CGNL1: variants seen among roughly 807,000 people sequenced by gnomAD.
CGNL1 encodes cingulin like 1, also known as cingulin-like protein 1.
In CGNL1, 132 loss-of-function variants were observed where a neutral mutation model predicts 141.2. That is an observed-to-expected ratio of 0.93 (90% CI 0.81 to 1.08). The LOEUF is 1.08. CGNL1 is among the 50% of genes least tolerant of loss of function. The pLI is 0.00. For missense variants in CGNL1, 1,870 were observed against 1,588.6 expected, an observed-to-expected ratio of 1.18 and a Z score of -3.01; for synonymous variants, 690 against 622.1, an observed-to-expected ratio of 1.11 and a Z score of -1.63.
intron 8 of CGNL1, among the ~76,000 whole-genome samples, chr15:57,507,934 A>G (rs1409416709): frequency 1.3e-5 from 2 of 152,212 alleles, no homozygotes; most frequent in African/African-American, 4.8e-5. Context: ...GAGGGGAGAA[A>G]GTGAAGGCAG....
At chr15:57,407,692 G>C (rs1318619220) in intron 1 of CGNL1, among the ~76,000 whole-genome samples, 2 of 151,800 alleles carry the variant, frequency 1.3e-5, no homozygotes, top group African/African-American at 2.4e-5. Context: ...AAGGCAGGGT[G>C]GTGGGGCTTG....
At chr15:57,491,394 C>T (rs1455218547) in intron 8 of CGNL1, among the ~76,000 whole-genome samples, 5 of 152,196 alleles carry the variant, frequency 3.3e-5, no homozygotes, top group African/African-American at 9.6e-5. Context: ...CTGCTTTCTC[C>T]GTGGCACCAG....
chr15:57,495,421 G>A (rs1167438283), intron 8 of CGNL1, among the ~76,000 whole-genome samples: 1 of 152,114 alleles, frequency 6.6e-6, no homozygotes, highest in African/African-American at 2.4e-5. Flanking sequence ...TCTGTGTCAA[G>A]TATTCCTCAT....
At position 57,544,610 on chromosome 15, in the gene CGNL1, C is replaced by A; in HGVS notation, c.3500+13C>A. The A allele has an allele frequency of 6.4e-7, 1 of 1,565,114 alleles. No homozygotes were observed. The highest frequency in any genetic ancestry group is 8.7e-7 in the Non-Finnish European group (1 of 1,154,358). On this transcript the variant is annotated intron_variant, in intron 16 of 18. Coordinates refer to ENST00000281282, the MANE Select transcript of CGNL1 (RefSeq NM_032866.5). ...AGAGTGAGGAGAGGTGAGCCGGGCCCACCCACTGCAGTGCGGAGGCCCCAG... is the reference window on the plus strand; with the variant it reads ...AGAGTGAGGAGAGGTGAGCCGGGCCAACCCACTGCAGTGCGGAGGCCCCAG...
At chr15:57,520,455 G>A (rs1448564847) in intron 10 of CGNL1, among the ~76,000 whole-genome samples, 1 of 152,170 alleles carries the variant, frequency 6.6e-6, no homozygotes, top group Non-Finnish European at 1.5e-5. Context: ...AGTAGCTGAA[G>A]ACGCTGGTAA....
At chr15:57,501,717 C>T (rs544459481) in intron 8 of CGNL1, among the ~76,000 whole-genome samples, 6 of 152,062 alleles carry the variant, frequency 3.9e-5, no homozygotes, top group Admixed American at 6.5e-5. Context: ...AGGAGCCATC[C>T]GAGAGCTGCA....
intron 1 of CGNL1, among the ~76,000 whole-genome samples, chr15:57,416,085 C>T (rs16977483): frequency 2.0e-5 from 3 of 151,996 alleles, no homozygotes; most frequent in Non-Finnish European, 4.4e-5. Flanking sequence ...AGTTTTGAGG[C>T]CTTCTAGTTC....
chr15:57,493,354 G>A (rs2063893078), intron 8 of CGNL1, among the ~76,000 whole-genome samples: 1 of 152,148 alleles, frequency 6.6e-6, no homozygotes, highest in Non-Finnish European at 1.5e-5. Context: ...TTTGGAAGGA[G>A]CTTTCTAGTG....
intron 1 of CGNL1, among the ~76,000 whole-genome samples, chr15:57,425,778 C>T (rs1268688519): frequency 1.3e-5 from 2 of 149,630 alleles, no homozygotes; most frequent in African/African-American, 2.5e-5. Flanking sequence ...CATATGAATA[C>T]ACAAGTTGTA....
intron 1 of CGNL1, among the ~76,000 whole-genome samples, chr15:57,384,435 C>A (rs1226285662): frequency 6.6e-6 from 1 of 152,194 alleles, no homozygotes; most frequent in Non-Finnish European, 1.5e-5. Flanking sequence ...AATTGGGTAA[C>A]TTGTCAAAGT....
At chr15:57,394,404 C>G (rs560047847) in intron 1 of CGNL1, among the ~76,000 whole-genome samples, 1 of 152,078 alleles carries the variant, frequency 6.6e-6, no homozygotes, top group Admixed American at 6.6e-5. Context: ...GGATTACAGG[C>G]GTGAACCACC....
rs549775897 is a variant in CGNL1 at position 57,516,991 on chromosome 15, G to A, written c.2610+5G>A. On this transcript the variant is annotated splice_donor_5th_base_variant and intron_variant, in intron 9 of 18. Transcript: ENST00000281282. ...GAAACGCTGAAGAAGTACGAGGTGAGGCTCGCTGGGCCCAGGCCCAGCTTT... is the reference window on the plus strand; with the variant it reads ...GAAACGCTGAAGAAGTACGAGGTGAAGCTCGCTGGGCCCAGGCCCAGCTTT... 1 of 1,610,878 alleles carries A rather than the reference G, an allele frequency of 6.2e-7. No homozygotes were observed. Among genetic ancestry groups the A allele is most frequent in the East Asian group, 2.2e-5 (1 of 44,774 alleles).
At chr15:57,515,916 T>G (rs1243543790) in intron 8 of CGNL1, among the ~76,000 whole-genome samples, 1 of 152,072 alleles carries the variant, frequency 6.6e-6, no homozygotes, top group Non-Finnish European at 1.5e-5. Context: ...CCCAGCACTT[T>G]GGGAGGCCGA....
intron 8 of CGNL1, among the ~76,000 whole-genome samples, chr15:57,501,455 C>T (rs1338206063): frequency 1.3e-5 from 2 of 152,318 alleles, no homozygotes; most frequent in South Asian, 4.1e-4. Context: ...AGGCAGAGAG[C>T]CCTGTCCTCA....
At chr15:57,395,695 C>G (rs768904184) in intron 1 of CGNL1, among the ~76,000 whole-genome samples, 1 of 152,218 alleles carries the variant, frequency 6.6e-6, no homozygotes, top group Non-Finnish European at 1.5e-5. Flanking sequence ...ACGTTAAGCA[C>G]GCTATGTGCA....
chr15:57,496,571 A>G (rs1017045307), intron 8 of CGNL1, among the ~76,000 whole-genome samples: 1 of 152,160 alleles, frequency 6.6e-6, no homozygotes, highest in East Asian at 1.9e-4. Flanking sequence ...CCTGGTGCCA[A>G]AAAGGTTGGG....
intron 7 of CGNL1, among the ~76,000 whole-genome samples, chr15:57,460,372 A>G (rs1479111570): frequency 2.6e-5 from 4 of 152,230 alleles, no homozygotes; most frequent in Non-Finnish European, 4.4e-5. Flanking sequence ...GTGAACAGAA[A>G]TTATGCTTTC....
intron 10 of CGNL1, among the ~76,000 whole-genome samples, chr15:57,522,440 AT>A (rs2031327456): frequency 6.6e-6 from 1 of 152,178 alleles, no homozygotes; most frequent in Non-Finnish European, 1.5e-5. Context: ...CTGTACAAAT[AT>A]AAACCATTGT....
intron 8 of CGNL1, among the ~76,000 whole-genome samples, chr15:57,467,863 C>T (rs966470162): frequency 2.6e-5 from 4 of 151,576 alleles, no homozygotes; most frequent in Non-Finnish European, 5.9e-5. Flanking sequence ...CTGATTTTTA[C>T]GTTTTTAGTA....
Sources: allele counts gnomAD v4.1 joint callset (sites outside exome capture counted in the v4.1 genomes callset), GRCh38; gene constraint gnomAD v4.1.1; transcripts MANE v1.5; gene names NCBI Gene and HGNC (gene_info 2026-07-23, HGNC 2026-07-21).